Variants in CHRM3 observed in about 807,000 individuals in gnomAD.
CHRM3 encodes the protein cholinergic receptor muscarinic 3, also known as muscarinic acetylcholine receptor M3.
Under a neutral mutation model 41.8 loss-of-function variants are expected in CHRM3, and 11 were observed. That is an observed-to-expected ratio of 0.26 (90% confidence interval 0.17 to 0.44). The LOEUF is 0.44. Among genes scored for constraint, CHRM3 ranks in the 20% least tolerant of loss-of-function variants. The pLI, the probability that CHRM3 is intolerant of heterozygous loss-of-function variation, is 1.00. For synonymous variants in CHRM3, 297 were observed against 301.4 expected, an observed-to-expected ratio of 0.99 and a Z score of 0.15; for missense variants, 571 against 745.4, an observed-to-expected ratio of 0.77 and a Z score of 2.72.
intron 1 of CHRM3, among the ~76,000 whole-genome samples, chr1:239,488,300 C>T (rs77366411): frequency 0.024 from 3,656 of 152,224 alleles, 66 homozygotes; most frequent in South Asian, 0.057. Flanking sequence ...GAATGATTTC[C>T]TACTTATGTA....
chr1:239,426,129 T>TC (rs1662352605), intron 1 of CHRM3, among the ~76,000 whole-genome samples: 1 of 36,284 alleles, frequency 2.8e-5, no homozygotes, highest in African/African-American at 1.2e-4. Flanking sequence ...CCTAATGCTA[T>TC]CCCTCCCCCC....
intron 1 of CHRM3, among the ~76,000 whole-genome samples, chr1:239,464,971 AG>A (rs1339943098): frequency 6.6e-6 from 1 of 152,186 alleles, no homozygotes; most frequent in African/African-American, 2.4e-5. Context: ...GATAAATAAA[AG>A]AGAGATGAGC....
chr1:239,569,388 A>G (rs1661633704), intron 3 of CHRM3, among the ~76,000 whole-genome samples: 1 of 152,192 alleles, frequency 6.6e-6, no homozygotes, highest in Non-Finnish European at 1.5e-5. Context: ...CCATCAACTC[A>G]TCATATAATG....
intron 1 of CHRM3, among the ~76,000 whole-genome samples, chr1:239,474,769 A>T (rs191312616): frequency 6.6e-6 from 1 of 152,268 alleles, no homozygotes; most frequent in African/African-American, 2.4e-5. Flanking sequence ...GGGCTACTGC[A>T]TACAAAGAAC....
chr1:239,551,391 A>G (rs1300795304), intron 3 of CHRM3, among the ~76,000 whole-genome samples: 4 of 151,540 alleles, frequency 2.6e-5, no homozygotes, highest in Non-Finnish European at 4.4e-5. Flanking sequence ...CGAACTCCCA[A>G]CCTCAGGTAA....
intron 6 of CHRM3, among the ~76,000 whole-genome samples, chr1:239,895,349 C>T (rs1678905558): frequency 6.6e-6 from 1 of 152,194 alleles, no homozygotes; most frequent in African/African-American, 2.4e-5. Context: ...GCTGCCTCTG[C>T]AGTCTCCAGT....
At chr1:239,571,594 T>A (rs1359213512) in intron 3 of CHRM3, among the ~76,000 whole-genome samples, 1 of 152,164 alleles carries the variant, frequency 6.6e-6, no homozygotes, top group Non-Finnish European at 1.5e-5. Flanking sequence ...TGTCCCTTTT[T>A]CTGGGAGTAA....
At chr1:239,734,291 C>A (rs1664218774) in intron 5 of CHRM3, among the ~76,000 whole-genome samples, 1 of 152,022 alleles carries the variant, frequency 6.6e-6, no homozygotes, top group African/African-American at 2.4e-5. Context: ...CTTAAGAATC[C>A]AGAGACTGCT....
intron 4 of CHRM3, among the ~76,000 whole-genome samples, chr1:239,655,214 A>G (rs1165813414): frequency 6.6e-6 from 1 of 152,246 alleles, no homozygotes; most frequent in African/African-American, 2.4e-5. Flanking sequence ...TGCTGAACCA[A>G]GTATAGTAAG....
At chr1:239,653,582 A>T (rs901369682) in intron 4 of CHRM3, among the ~76,000 whole-genome samples, 1 of 152,326 alleles carries the variant, frequency 6.6e-6, no homozygotes, top group East Asian at 1.9e-4. Flanking sequence ...GCATGTAGAT[A>T]CCAGAAAGTC....
chr1:239,736,099 C>T (rs1238146933), intron 5 of CHRM3, among the ~76,000 whole-genome samples: 1 of 152,110 alleles, frequency 6.6e-6, no homozygotes, highest in East Asian at 1.9e-4. Context: ...GTATCGACTA[C>T]TCCACTTTCC....
At chr1:239,818,758 C>T (rs1048363085) in intron 5 of CHRM3, among the ~76,000 whole-genome samples, 8 of 152,126 alleles carry the variant, frequency 5.3e-5, no homozygotes, top group Non-Finnish European at 8.8e-5. Flanking sequence ...GCTGAGCAGA[C>T]GGAGTTGGCT....
intron 5 of CHRM3, among the ~76,000 whole-genome samples, chr1:239,741,831 G>A (rs543139451): frequency 5.7e-4 from 87 of 152,280 alleles, no homozygotes; most frequent in African/African-American, 2.0e-3. Context: ...AGCTGCGGTG[G>A]ATTAAAAGAA....
intron 5 of CHRM3, among the ~76,000 whole-genome samples, chr1:239,823,082 C>T (rs1672181787): frequency 6.6e-6 from 1 of 152,210 alleles, no homozygotes; most frequent in African/African-American, 2.4e-5. Context: ...CAGTTTATCA[C>T]AGATTTATGC....
rs564870197 is a variant in CHRM3 at position 239,413,457 on chromosome 1, T to C, written c.-521+26230T>C. Among the ~76,000 whole-genome samples, 18 of 152,096 alleles carry C rather than the reference T, an allele frequency of 1.2e-4. 1 individual carries two copies. The highest frequency in any genetic ancestry group is 3.9e-4 in the African/African-American group (16 of 41,510). ...GGCACCCGCCATTCCACCCGGCTAA[T>C]TTTGTATTTTTGTAGAGATGAGGTT... is the stretch of plus-strand genomic sequence containing the variant. On this transcript the variant is annotated intron_variant, in intron 1 of 6. Coordinates refer to ENST00000676153, the MANE Select transcript of CHRM3 (RefSeq NM_001375978.1).
rs191093778 is a variant in CHRM3, at chr1:239,551,945, G to A, written c.-313+6196G>A. ...TAGATTAACATCCATCAGTCAAAAAGGGGTAATGTTTGAATGAATCATATA... is the reference window on the plus strand; with the variant it reads ...TAGATTAACATCCATCAGTCAAAAAAGGGTAATGTTTGAATGAATCATATA... On this transcript the variant is annotated intron_variant, in intron 3 of 6. Transcript: ENST00000676153. Among the ~76,000 whole-genome samples, 42 of 152,160 alleles carry A rather than the reference G, an allele frequency of 2.8e-4. 1 individual carries two copies. The highest frequency in any genetic ancestry group is 2.5e-3 in the Admixed American group (38 of 15,278).
At chr1:239,516,022 G>GCTTTCT (rs1264736926) in intron 2 of CHRM3, among the ~76,000 whole-genome samples, 5 of 152,164 alleles carry the variant, frequency 3.3e-5, no homozygotes, top group Admixed American at 1.3e-4. Context: ...ACTAATGACT[G>GCTTTCT]CTTTCTCTTT....
intron 5 of CHRM3, among the ~76,000 whole-genome samples, chr1:239,773,050 C>G (rs989722155): frequency 1.3e-5 from 2 of 152,136 alleles, no homozygotes; most frequent in African/African-American, 4.8e-5. Context: ...TTTTGAGATT[C>G]TTAGTGATAT....
At chr1:239,715,118 A>C (rs1404386688) in intron 5 of CHRM3, among the ~76,000 whole-genome samples, 2 of 152,148 alleles carry the variant, frequency 1.3e-5, no homozygotes, top group Admixed American at 6.6e-5. Flanking sequence ...AGTGAGTAAA[A>C]ACTGAGAAGG....
Sources: allele counts gnomAD v4.1 joint callset (sites outside exome capture counted in the v4.1 genomes callset), GRCh38; gene constraint gnomAD v4.1.1; transcripts MANE v1.5; gene names NCBI Gene and HGNC (gene_info 2026-07-23, HGNC 2026-07-21).